Variants in GALNTL6 observed in about 807,000 individuals in gnomAD.
GALNTL6 encodes polypeptide N-acetylgalactosaminyltransferase-like 6.
In GALNTL6, 46 loss-of-function variants were observed where a neutral mutation model predicts 73.7. That is an observed-to-expected ratio of 0.62 (90% CI 0.49 to 0.80). The LOEUF is 0.80. GALNTL6 is among the 30% of genes least tolerant of loss of function. The pLI is 0.00. For missense variants in GALNTL6, 604 were observed against 755.0 expected (o/e 0.80, Z 2.34); for synonymous variants, 259 against 263.7 (o/e 0.98, Z 0.17).
At chr4:172,960,477 G>A (rs1749988411) in intron 10 of GALNTL6, among the ~76,000 whole-genome samples, 1 of 152,168 alleles carries the variant, frequency 6.6e-6, no homozygotes, top group Non-Finnish European at 1.5e-5. Flanking sequence ...AGCCTGGGGA[G>A]GAGGGGAGAG....
chr4:172,433,718 A>G (rs906197836), intron 5 of GALNTL6, among the ~76,000 whole-genome samples: 1 of 151,810 alleles, frequency 6.6e-6, no homozygotes, highest in African/African-American at 2.4e-5. Context: ...TTTCTCCATA[A>G]GCTGATACAT....
At chr4:172,495,112 C>G (rs1734027039) in intron 5 of GALNTL6, among the ~76,000 whole-genome samples, 1 of 152,094 alleles carries the variant, frequency 6.6e-6, no homozygotes, top group Admixed American at 6.5e-5. Flanking sequence ...AGAGAGCAAT[C>G]AGAGTGGATG....
chr4:172,265,058 T>A (rs1257273743), intron 3 of GALNTL6, among the ~76,000 whole-genome samples: 1 of 151,970 alleles, frequency 6.6e-6, no homozygotes, highest in Admixed American at 6.6e-5. Context: ...AAGAAAATGC[T>A]ACTTTTAGGG....
chr4:172,032,712 C>T (rs1741806430), intron 2 of GALNTL6, among the ~76,000 whole-genome samples: 1 of 151,936 alleles, frequency 6.6e-6, no homozygotes, highest in South Asian at 2.1e-4. Context: ...ATCCTCAAAC[C>T]ACAACTTTCA....
intron 3 of GALNTL6, among the ~76,000 whole-genome samples, chr4:172,297,113 A>T (rs1739709358): frequency 6.6e-6 from 1 of 152,152 alleles, no homozygotes; most frequent in Non-Finnish European, 1.5e-5. Context: ...ATGGCCAGTG[A>T]TGATGAGCAT....
chr4:171,928,624 C>T (rs1388319261), intron 2 of GALNTL6, among the ~76,000 whole-genome samples: 1 of 152,216 alleles, frequency 6.6e-6, no homozygotes, highest in African/African-American at 2.4e-5. Context: ...CTTATGACAA[C>T]ATTTTGGTCA....
chr4:172,029,545 C>T (rs186463692), intron 2 of GALNTL6, among the ~76,000 whole-genome samples: 9 of 151,988 alleles, frequency 5.9e-5, no homozygotes, highest in African/African-American at 2.2e-4. Flanking sequence ...TTAGGGTAAC[C>T]CTGAAGTGGT....
intron 7 of GALNTL6, among the ~76,000 whole-genome samples, chr4:172,873,019 A>G (rs183530061): frequency 9.2e-5 from 14 of 152,298 alleles, no homozygotes; most frequent in Non-Finnish European, 1.6e-4. Context: ...ACTCCATCGA[A>G]AACAGAAATC....
chr4:171,905,596 T>G (rs1737250818), intron 2 of GALNTL6, among the ~76,000 whole-genome samples: 1 of 149,756 alleles, frequency 6.7e-6, no homozygotes, highest in African/African-American at 2.5e-5. Context: ...AGACAGAAAG[T>G]CAACAAGGAT....
chr4:172,616,815 A>ATC (rs1738753569), intron 5 of GALNTL6, among the ~76,000 whole-genome samples: 2 of 152,078 alleles, frequency 1.3e-5, no homozygotes, highest in Admixed American at 6.6e-5. Context: ...AGTGGGCTGA[A>ATC]TCTTCATGAG....
chr4:172,123,732 C>T (rs1252758166), intron 2 of GALNTL6, among the ~76,000 whole-genome samples: 1 of 151,996 alleles, frequency 6.6e-6, no homozygotes, highest in Non-Finnish European at 1.5e-5. Context: ...ATCTCTTGAC[C>T]TCGTGATCCA....
chr4:172,299,073 A>G (rs7699415), intron 3 of GALNTL6, among the ~76,000 whole-genome samples: 146,676 of 152,216 alleles, frequency 0.96, 70,905 homozygotes, highest in Non-Finnish European at 1. Context: ...CAGAGATTCA[A>G]CTTCTTCCTG....
chr4:172,072,861 C>T (rs1243237251), intron 2 of GALNTL6, among the ~76,000 whole-genome samples: 2 of 152,170 alleles, frequency 1.3e-5, no homozygotes, highest in Non-Finnish European at 1.5e-5. Context: ...ATCTTTTATA[C>T]AGCATAGAAG....
intron 2 of GALNTL6, among the ~76,000 whole-genome samples, chr4:171,843,534 C>A (rs1243556059): frequency 1.3e-5 from 2 of 151,782 alleles, no homozygotes; most frequent in Non-Finnish European, 2.9e-5. Context: ...TTTTCTACTT[C>A]TTTTATATTT....
At chr4:172,353,427 T>G (rs1742033897) in intron 5 of GALNTL6, among the ~76,000 whole-genome samples, 1 of 152,210 alleles carries the variant, frequency 6.6e-6, no homozygotes, top group African/African-American at 2.4e-5. Flanking sequence ...GTGCAATTAA[T>G]ATTGGATTTA....
At chr4:172,444,653 C>G (rs1487382452) in intron 5 of GALNTL6, among the ~76,000 whole-genome samples, 2 of 151,984 alleles carry the variant, frequency 1.3e-5, no homozygotes, top group African/African-American at 4.8e-5. Flanking sequence ...GAAGACAAAC[C>G]ATTATGAAAA....
At chr4:172,913,395 T>G (rs1193208790) in intron 8 of GALNTL6, among the ~76,000 whole-genome samples, 1 of 152,144 alleles carries the variant, frequency 6.6e-6, no homozygotes, top group Non-Finnish European at 1.5e-5. Context: ...ATGACTTTGA[T>G]GAGTTGACAG....
At chr4:172,088,416 A>G (rs1732109821) in intron 2 of GALNTL6, among the ~76,000 whole-genome samples, 1 of 152,202 alleles carries the variant, frequency 6.6e-6, no homozygotes, top group East Asian at 1.9e-4. Flanking sequence ...AGGAAATTAC[A>G]GAAAAATGAT....
chr4:172,280,888 C>T (rs779121975), intron 3 of GALNTL6, among the ~76,000 whole-genome samples: 1 of 151,982 alleles, frequency 6.6e-6, no homozygotes, highest in African/African-American at 2.4e-5. Flanking sequence ...CTGGCCCGCA[C>T]GGTGGCTCAC....
Sources: allele counts gnomAD v4.1 joint callset (sites outside exome capture counted in the v4.1 genomes callset), GRCh38; gene constraint gnomAD v4.1.1; transcripts MANE v1.5; gene names NCBI Gene and HGNC (gene_info 2026-07-23, HGNC 2026-07-21).